The following BIRC6 variants were observed in gnomAD, a reference collection of about 807,000 sequenced individuals.
BIRC6 encodes dual E2 ubiquitin-conjugating enzyme/E3 ubiquitin-protein ligase BIRC6.
BIRC6 carries 98 observed loss-of-function variants against 503.3 expected under a neutral mutation model. The ratio of observed to expected loss-of-function variants is 0.19; its 90% CI spans 0.17 to 0.23. BIRC6 has a LOEUF of 0.23. Ranked by LOEUF, BIRC6 falls within the 10% of genes least tolerant of loss-of-function variation. The pLI, the probability that BIRC6 is intolerant of heterozygous loss-of-function variation, is 1.00. For missense variants in BIRC6, 5,360 were observed against 5,806.0 expected (o/e 0.92, Z 2.50); for synonymous variants, 2,240 against 2,078.7 (o/e 1.08, Z -2.11).
chr2:32,487,877 T>C lies in BIRC6; in HGVS notation c.7968+76T>C. 3 of 1,238,196 alleles carry C rather than the reference T, an allele frequency of 2.4e-6. No homozygotes were observed. The South Asian group carries it at 4.2e-5, about 17-fold the overall frequency. The allele number at this position is 1,238,196 out of a possible 1,614,324, so 76.7% of individuals were successfully genotyped here. A position where few individuals can be genotyped will look rare whatever the true frequency, so the allele number is the denominator to read the frequency against. ...TAAAAGATGAAACTAATTGGGAAGT[T>C]CATTCTAATCCTGTCAGGGATGATT... On this transcript the variant is annotated intron_variant, in intron 41 of 73. Coordinates refer to ENST00000421745, the MANE Select transcript of BIRC6 (RefSeq NM_016252.4).
intron 16 of BIRC6, among the ~76,000 whole-genome samples, chr2:32,440,300 G>C (rs2045265274): frequency 6.6e-6 from 1 of 152,152 alleles, no homozygotes; most frequent in Admixed American, 6.5e-5. Context: ...TGGTATGAGA[G>C]TTTCTTCATA....
At chr2:32,578,246 T>A (rs2060399866) in intron 66 of BIRC6, among the ~76,000 whole-genome samples, 1 of 152,154 alleles carries the variant, frequency 6.6e-6, no homozygotes, top group African/African-American at 2.4e-5. Context: ...AAGATGTATT[T>A]TTTTTTCTAA....
At chr2:32,581,028 G>A (rs1358666140) in intron 66 of BIRC6, among the ~76,000 whole-genome samples, 1 of 152,178 alleles carries the variant, frequency 6.6e-6, no homozygotes, top group African/African-American at 2.4e-5. Context: ...ACAATGTTAG[G>A]CAGAAATTTT....
chr2:32,603,534 G>A (rs960756789), intron 71 of BIRC6, among the ~76,000 whole-genome samples: 5 of 152,068 alleles, frequency 3.3e-5, no homozygotes, highest in African/African-American at 1.2e-4. Context: ...GGCCAACGTG[G>A]TAAGACCCGC....
chr2:32,435,375 CA>C, intron 13 of BIRC6, 120 bp from the exon 14 acceptor site: 1 of 1,104,772 alleles, frequency 9.1e-7, no homozygotes, highest in East Asian at 3.0e-5. Flanking sequence ...CCCAAGTTAA[CA>C]GGAAATTTTA....
chr2:32,566,673 A>G (rs1335581875), intron 65 of BIRC6, among the ~76,000 whole-genome samples: 1 of 151,888 alleles, frequency 6.6e-6, no homozygotes, highest in African/African-American at 2.4e-5. Context: ...TTTAATTGAC[A>G]TTTTTATTCT....
chr2:32,421,113 T>TTTCTTTC (rs1227993452), intron 10 of BIRC6, among the ~76,000 whole-genome samples: 1 of 135,406 alleles, frequency 7.4e-6, no homozygotes, highest in African/African-American at 2.7e-5. Flanking sequence ...TCTTTCTTTC[T>TTTCTTTC]TTTTTTTTTT....
Position 32,476,191 on chromosome 2 carries a change from GTTGT to G in BIRC6, c.6721-19_6721-16del. ...TGTTTTTAACGTTGTTAAAGATTAA[GTTGT>G]TTATTTGTTTTATAAAGCAACTTAA... On this transcript the variant is annotated intron_variant, in intron 33 of 73. Coordinates refer to ENST00000421745, the MANE Select transcript of BIRC6 (RefSeq NM_016252.4). 1.3e-6 allele frequency: 2 copies of G among 1,512,204 alleles called. No homozygotes were observed. The highest frequency in any genetic ancestry group is 2.1e-4 in the Middle Eastern group (1 of 4,692). 93.7% of individuals were successfully genotyped at this position (1,512,204 alleles called of 1,614,324 possible).
At position 32,430,444 on chromosome 2, in the gene BIRC6, T is replaced by C. The variant is rs567403465; in HGVS notation, c.3023-421T>C. Among the ~76,000 whole-genome samples, 108 of 152,330 alleles carry C rather than the reference T, an allele frequency of 7.1e-4. 1 individual carries two copies. Among genetic ancestry groups the C allele is most frequent in the Non-Finnish European group, 7.9e-4 (54 of 68,014 alleles). On this transcript the variant is annotated intron_variant, in intron 11 of 73. Coordinates refer to ENST00000421745, the MANE Select transcript of BIRC6 (RefSeq NM_016252.4). ...TGACTGTTTTAGTGTTTTATTCATATGTTATGTACTTGCTTGATGTCTAGC... is the reference window on the plus strand; with the variant it reads ...TGACTGTTTTAGTGTTTTATTCATACGTTATGTACTTGCTTGATGTCTAGC...
chr2:32,554,956 G>A (rs898983701), intron 65 of BIRC6, among the ~76,000 whole-genome samples: 1 of 151,766 alleles, frequency 6.6e-6, no homozygotes. Context: ...TAGGTCTCAG[G>A]GCTCTCCAAA....
rs752257688 is a variant in BIRC6, at chr2:32,490,071, C to T, written c.8126C>T (p.Ala2709Val). The T allele has an allele frequency of 6.2e-7, 1 of 1,613,204 alleles. No individual in the cohort carries two copies. Among genetic ancestry groups the T allele is most frequent in the Non-Finnish European group, 8.5e-7 (1 of 1,179,172 alleles). ...ATAACTAGCTTTCTCACAGTGTTAG[C>T]TTGGTATCCCAATACTTTGCTCCGG... Reference protein sequence around the residue: ...ASITSFLTVLAWYPNTLLRTW... With the variant: ...ASITSFLTVLVWYPNTLLRTW... Residue 2709 changes from alanine to valine, a missense_variant, in exon 43 of 74, where the codon GCT becomes GTT. This residue lies in a region of BIRC6 where 2,299 missense variants were observed against 2,267.2 expected (regional missense o/e 1.01). Transcript: ENST00000421745.
chr2:32,362,241 A>C (rs1573626443), intron 1 of BIRC6, among the ~76,000 whole-genome samples: 1 of 151,402 alleles, frequency 6.6e-6, no homozygotes, highest in Non-Finnish European at 1.5e-5. Flanking sequence ...TTAAAATTGT[A>C]ATTTCCTAAT....
chr2:32,433,893 C>T, intron 13 of BIRC6, 89 bp downstream of exon 13: 1 of 1,057,018 alleles, frequency 9.5e-7, no homozygotes, highest in Non-Finnish European at 1.3e-6. Flanking sequence ...GTTTCGTGTC[C>T]CTTTCTGTCC....
chr2:32,400,580 A>T (rs913927585), intron 6 of BIRC6, among the ~76,000 whole-genome samples: 1 of 150,972 alleles, frequency 6.6e-6, no homozygotes, highest in African/African-American at 2.4e-5. Flanking sequence ...CTCATGATCC[A>T]CCCGCCTCAG....
rs768542336 is a variant in BIRC6, at chr2:32,453,861, A to C, written c.4672A>C (p.Thr1558Pro). ...TAAEGSFTSL[T>P]GLLEVEPLHF... Reference sequence around the variant, plus strand: ...TGCTGAGGGTAGTTTCACATCTCTCACTGGACTTTTGGAAGTTGAACCTCT... The same window carrying C: ...TGCTGAGGGTAGTTTCACATCTCTCCCTGGACTTTTGGAAGTTGAACCTCT... The change falls in exon 23 of 74, where the codon ACT becomes CCT. Residue 1558 changes from threonine (T) to proline (P), a missense_variant. Coordinates refer to ENST00000421745, the MANE Select transcript of BIRC6 (RefSeq NM_016252.4). 1.9e-6 allele frequency: 3 copies of C among 1,613,758 alleles called. No homozygotes were observed. The highest frequency in any genetic ancestry group is 2.2e-5 in the South Asian group (2 of 91,080).
chr2:32,561,732 TA>T (rs2059202191), intron 65 of BIRC6, among the ~76,000 whole-genome samples: 1 of 144,696 alleles, frequency 6.9e-6, no homozygotes, highest in African/African-American at 2.6e-5. Flanking sequence ...TGTATATATA[TA>T]TATATATTTA....
At position 32,469,401 on chromosome 2, in the gene BIRC6, C is replaced by T; in HGVS notation, c.6134C>T (p.Ser2045Phe). The change falls in exon 30 of 74, where the codon TCT becomes TTT. Residue 2045 changes from serine (S) to phenylalanine (F), a missense_variant. Physicochemically the swap from Ser to Phe is radical, Grantham distance 155. This residue lies in a region of BIRC6 where 2,299 missense variants were observed against 2,267.2 expected (regional missense o/e 1.01). Coordinates refer to ENST00000421745, the MANE Select transcript of BIRC6 (RefSeq NM_016252.4). ...GTTTTCTTTCTTGTAATAGGACACT[C>T]TGTTCCTGCAGTTTTGCAGAGCACA... is the stretch of plus-strand genomic sequence containing the variant. ...LSLLHASNGH[S>F]VPAVLQSTFH... is the part of the protein sequence containing the mutation. 1 of 1,612,242 alleles carries T rather than the reference C, an allele frequency of 6.2e-7. No individual in the cohort carries two copies. Among genetic ancestry groups the T allele is most frequent in the Non-Finnish European group, 8.5e-7 (1 of 1,179,174 alleles).
intron 11 of BIRC6, among the ~76,000 whole-genome samples, chr2:32,429,658 C>T (rs2043885964): frequency 6.6e-6 from 1 of 152,104 alleles, no homozygotes; most frequent in Non-Finnish European, 1.5e-5. Context: ...CATCCTGAAT[C>T]TCTCGATAGG....
At chr2:32,424,270 CAA>C (rs1491523679) in intron 10 of BIRC6, among the ~76,000 whole-genome samples, 1 of 151,634 alleles carries the variant, frequency 6.6e-6, no homozygotes, top group African/African-American at 2.4e-5. Context: ...TATGAAAAAA[CAA>C]TATATATACA....
Sources: gnomAD v4.1 joint callset for allele counts (sites outside exome capture counted in the v4.1 genomes callset) on GRCh38, gnomAD v4.1.1 for gene constraint, gnomAD v4.1.1 regional missense constraint, MANE v1.5 for transcripts, NCBI Gene and HGNC (gene_info 2026-07-23, HGNC 2026-07-21) for gene names.